The following CTNNA3 variants were observed in gnomAD, a reference collection of about 807,000 sequenced individuals.
The protein encoded by CTNNA3 is catenin alpha-3.
A neutral mutation model predicts 95.7 loss-of-function variants in CTNNA3; 76 were observed. That is an observed-to-expected ratio of 0.79 (90% CI 0.66 to 0.96). The LOEUF (loss-of-function observed/expected upper bound fraction) is 0.96. Ranked by LOEUF, CTNNA3 falls within the 40% of genes least tolerant of loss-of-function variation. The pLI, the probability that CTNNA3 is intolerant of heterozygous loss-of-function variation, is 0.00. For synonymous variants in CTNNA3, 431 were observed against 374.4 expected, an observed-to-expected ratio of 1.15 and a Z score of -1.74; for missense variants, 1,191 against 1,089.8, an observed-to-expected ratio of 1.09 and a Z score of -1.31.
intron 7 of CTNNA3, among the ~76,000 whole-genome samples, chr10:67,139,893 T>C (rs1188901679): frequency 6.6e-6 from 1 of 152,174 alleles, no homozygotes; most frequent in Non-Finnish European, 1.5e-5. Context: ...AAAGCTTCCA[T>C]TAACTCAAAG....
chr10:67,534,604 G>C (rs1460868524), intron 4 of CTNNA3, among the ~76,000 whole-genome samples: 1 of 152,146 alleles, frequency 6.6e-6, no homozygotes, highest in African/African-American at 2.4e-5. Context: ...CCGTCTTCCT[G>C]TAAGTTTCTG....
intron 7 of CTNNA3, among the ~76,000 whole-genome samples, chr10:66,784,601 T>C (rs12255623): frequency 0.17 from 25,869 of 152,146 alleles, 2,840 homozygotes; most frequent in African/African-American, 0.31. Flanking sequence ...AAAATTTCCA[T>C]TCTTCTTTAT....
At chr10:67,645,484 C>T (rs3125316) in intron 2 of CTNNA3, among the ~76,000 whole-genome samples, 5,950 of 152,020 alleles carry the variant, frequency 0.039, 119 homozygotes, top group Middle Eastern at 0.078. Flanking sequence ...CAGCCATCTC[C>T]GAAATGAAGG....
At chr10:67,097,546 A>G (rs373432411) in intron 7 of CTNNA3, 1 of 1,566,446 alleles carries the variant, frequency 6.4e-7, no homozygotes, top group African/African-American at 1.4e-5. Context: ...AAAGTTGTCC[A>G]TATTTTTATA....
chr10:66,616,723 G>T (rs772073983), intron 10 of CTNNA3, among the ~76,000 whole-genome samples: 13 of 151,872 alleles, frequency 8.6e-5, no homozygotes, highest in Non-Finnish European at 1.3e-4. Context: ...GAAACTCAGG[G>T]CCACCCTATT....
chr10:66,199,934 G>A (rs545037355), intron 13 of CTNNA3, among the ~76,000 whole-genome samples: 3 of 146,488 alleles, frequency 2.0e-5, no homozygotes, highest in Non-Finnish European at 4.5e-5. Context: ...TTACAGGTGT[G>A]AGCCACCGCG....
At chr10:66,039,759 C>A (rs186329038) in intron 15 of CTNNA3, among the ~76,000 whole-genome samples, 327 of 152,256 alleles carry the variant, frequency 2.1e-3, no homozygotes, top group Middle Eastern at 6.8e-3. Flanking sequence ...AAAGAAAAAA[C>A]CCCAGACTAT....
intron 12 of CTNNA3, among the ~76,000 whole-genome samples, chr10:66,361,923 T>A (rs1589141649): frequency 6.6e-6 from 1 of 151,994 alleles, no homozygotes; most frequent in Non-Finnish European, 1.5e-5. Context: ...TTTAATGAAG[T>A]GTTAAATTGT....
chr10:66,567,653 G>C (rs1842754566), intron 10 of CTNNA3, among the ~76,000 whole-genome samples: 1 of 152,050 alleles, frequency 6.6e-6, no homozygotes. Context: ...ACGAGAGAGA[G>C]AGGAAAATTT....
intron 12 of CTNNA3, among the ~76,000 whole-genome samples, chr10:66,319,546 A>G (rs949395915): frequency 1.3e-5 from 2 of 152,150 alleles, no homozygotes; most frequent in African/African-American, 2.4e-5. Flanking sequence ...TTGCTTTTCT[A>G]GAACATAGAA....
intron 11 of CTNNA3, among the ~76,000 whole-genome samples, chr10:66,472,200 A>T (rs1158642117): frequency 6.6e-6 from 1 of 151,966 alleles, no homozygotes. Context: ...ATTCTAGTGA[A>T]CAGAACAAAG....
chr10:67,278,868 G>A (rs533321814), intron 5 of CTNNA3, among the ~76,000 whole-genome samples: 1 of 152,218 alleles, frequency 6.6e-6, no homozygotes, highest in Non-Finnish European at 1.5e-5. Context: ...GATACACAGG[G>A]TTAAATAAAA....
At chr10:66,807,235 A>C (rs1841690297) in intron 7 of CTNNA3, among the ~76,000 whole-genome samples, 1 of 152,098 alleles carries the variant, frequency 6.6e-6, no homozygotes, top group South Asian at 2.1e-4. Context: ...AAAAAAGTTC[A>C]GCCTCAGAAA....
At chr10:66,623,306 T>A (rs115043973) in intron 9 of CTNNA3, among the ~76,000 whole-genome samples, 5,347 of 152,244 alleles carry the variant, frequency 0.035, 122 homozygotes, top group African/African-American at 0.065. Context: ...GTGGTCAAAT[T>A]AGAAGAATGC....
rs2132726539 is a variant in CTNNA3, at chr10:66,952,422, AG to A, written c.1048-176899del. Among the ~76,000 whole-genome samples, 3 of 152,312 alleles carry A rather than the reference AG, an allele frequency of 2.0e-5. No homozygotes were observed. In the South Asian group the frequency reaches 6.2e-4, roughly 32 times the overall value. On this transcript the variant is annotated intron_variant, in intron 7 of 17. Transcript: ENST00000433211. ...AGCAACGCATCTGTAGCAGCCAGAAAGTAAATTTTTTAAGCTACGAAGGGCC... is the reference window on the plus strand; with the variant it reads ...AGCAACGCATCTGTAGCAGCCAGAAATAAATTTTTTAAGCTACGAAGGGCC...
rs1866733669 is a variant in CTNNA3 at position 67,264,350 on chromosome 10, C to T, written c.580-44480G>A. Among the ~76,000 whole-genome samples the T allele has an allele frequency of 2.0e-5, 3 of 152,080 alleles. No homozygotes were observed. In the South Asian group the frequency reaches 6.2e-4, roughly 31 times the overall value. ...TGCAAAATTCACTATTAAATTTTTT[C>T]AAAGTTATAATAATAACTATTAAGG... On this transcript the variant is annotated intron_variant, in intron 5 of 17. Coordinates refer to ENST00000433211, the MANE Select transcript of CTNNA3 (RefSeq NM_013266.4).
rs2076966283 is a variant in CTNNA3 at position 65,913,168 on chromosome 10, C to T, written c.*7162G>A. ...CATATTACCTTCAGAGAGGTCACTA[C>T]ATTTAAGCTGTCAAAGTTGTTGTTG... On this transcript the variant is annotated 3_prime_UTR_variant, in exon 18 of 18. Transcript: ENST00000433211. The T allele has an allele frequency of 6.6e-6, 1 of 152,126 alleles. No individual in the cohort carries two copies. 9.4% of individuals were successfully genotyped at this position (152,126 alleles called of 1,614,324 possible).
At chr10:66,404,804 T>C (rs1272170211) in intron 11 of CTNNA3, among the ~76,000 whole-genome samples, 1 of 151,682 alleles carries the variant, frequency 6.6e-6, no homozygotes, top group Non-Finnish European at 1.5e-5. Flanking sequence ...ACATAGTCTA[T>C]CATTAGTATT....
intron 9 of CTNNA3, among the ~76,000 whole-genome samples, chr10:66,634,072 A>G (rs1343362393): frequency 1.3e-5 from 2 of 152,130 alleles, no homozygotes; most frequent in Non-Finnish European, 2.9e-5. Context: ...AATTGTGATG[A>G]TCTCTGAGGA....
Sources: gnomAD v4.1 joint callset for allele counts (sites outside exome capture counted in the v4.1 genomes callset) on GRCh38, gnomAD v4.1.1 for gene constraint, MANE v1.5 for transcripts, NCBI Gene and HGNC (gene_info 2026-07-23, HGNC 2026-07-21) for gene names.